Variants in TMEM132D observed in about 807,000 individuals in gnomAD.
TMEM132D encodes mature OL transmembrane protein.
A neutral mutation model predicts 62.3 loss-of-function variants in TMEM132D; 21 were observed. The observed-to-expected ratio is 0.34, with a 90% CI of 0.24 to 0.49. The LOEUF (loss-of-function observed/expected upper bound fraction) is 0.49, where lower values mean the gene tolerates loss of function less well. Among genes scored for constraint, TMEM132D ranks in the 20% least tolerant of loss-of-function variants. TMEM132D has a pLI of 0.99. For missense variants in TMEM132D, 1,346 were observed against 1,402.8 expected, an observed-to-expected ratio of 0.96 and a Z score of 0.65; for synonymous variants, 621 against 575.6, an observed-to-expected ratio of 1.08 and a Z score of -1.13.
intron 1 of TMEM132D, among the ~76,000 whole-genome samples, chr12:129,875,188 C>A (rs576876056): frequency 1.3e-5 from 2 of 152,342 alleles, no homozygotes; most frequent in East Asian, 3.9e-4. Context: ...GCTGAAAGTG[C>A]GTGCTGGCTG....
chr12:129,099,128 C>T (rs1875208343), intron 5 of TMEM132D, among the ~76,000 whole-genome samples: 1 of 152,176 alleles, frequency 6.6e-6, no homozygotes, highest in Non-Finnish European at 1.5e-5. Flanking sequence ...TGCCCCAGGC[C>T]ACTGCCCATT....
rs532326159 is a variant in TMEM132D at position 129,279,570 on chromosome 12, A to T, written c.1299+58064T>A. Among the ~76,000 whole-genome samples, 11 of 151,948 alleles carry T rather than the reference A, an allele frequency of 7.2e-5. No individual in the cohort carries two copies. The South Asian group carries it at 2.3e-3, about 32-fold the overall frequency. ...CTTGATTTTTTTTTTTGAGGGGGGTATAAAATCGAAAACCTACAAAATCTT... is the reference window on the plus strand; with the variant it reads ...CTTGATTTTTTTTTTTGAGGGGGGTTTAAAATCGAAAACCTACAAAATCTT... On this transcript the variant is annotated intron_variant, in intron 4 of 8. Coordinates refer to ENST00000422113, the MANE Select transcript of TMEM132D (RefSeq NM_133448.3).
intron 2 of TMEM132D, among the ~76,000 whole-genome samples, chr12:129,603,761 C>T (rs1878543096): frequency 6.6e-6 from 1 of 152,156 alleles, no homozygotes; most frequent in East Asian, 1.9e-4. Context: ...GCCAGTGTGG[C>T]AATTCCTCAA....
At chr12:129,824,454 A>G (rs763120315) in intron 1 of TMEM132D, among the ~76,000 whole-genome samples, 1 of 152,070 alleles carries the variant, frequency 6.6e-6, no homozygotes, top group Non-Finnish European at 1.5e-5. Flanking sequence ...CGCCCCCAGA[A>G]TTCCTATGTT....
intron 1 of TMEM132D, among the ~76,000 whole-genome samples, chr12:129,724,862 A>T (rs553458367): frequency 1.4e-4 from 22 of 152,310 alleles, no homozygotes; most frequent in African/African-American, 5.3e-4. Context: ...GCAATTTCTT[A>T]CAGCGGCAAT....
intron 3 of TMEM132D, among the ~76,000 whole-genome samples, chr12:129,499,837 C>T (rs1249169905): frequency 2.0e-5 from 3 of 152,164 alleles, no homozygotes; most frequent in South Asian, 2.1e-4. Context: ...GGGTTCTTAA[C>T]GTTCCCCCTT....
At chr12:129,817,086 T>C (rs1872367028) in intron 1 of TMEM132D, among the ~76,000 whole-genome samples, 1 of 152,196 alleles carries the variant, frequency 6.6e-6, no homozygotes, top group Non-Finnish European at 1.5e-5. Context: ...TGCAAAAGAA[T>C]GGTGAAAGCT....
chr12:129,576,107 G>C (rs1352532502), intron 2 of TMEM132D, among the ~76,000 whole-genome samples: 1 of 151,868 alleles, frequency 6.6e-6, no homozygotes, highest in African/African-American at 2.4e-5. Flanking sequence ...TTCCAGGCCA[G>C]TCCTCACATG....
At chr12:129,260,472 T>C (rs1022769826) in intron 4 of TMEM132D, among the ~76,000 whole-genome samples, 3 of 152,176 alleles carry the variant, frequency 2.0e-5, no homozygotes, top group Non-Finnish European at 2.9e-5. Context: ...CACAGGAAAA[T>C]GGCTGTAGCT....
intron 2 of TMEM132D, among the ~76,000 whole-genome samples, chr12:129,562,405 G>T (rs1877261373): frequency 6.6e-6 from 1 of 152,136 alleles, no homozygotes; most frequent in Non-Finnish European, 1.5e-5. Context: ...TTCACATCAG[G>T]TTATTAAACA....
intron 5 of TMEM132D, among the ~76,000 whole-genome samples, chr12:129,088,504 GA>G (rs1391334922): frequency 7.7e-5 from 3 of 38,776 alleles, no homozygotes; most frequent in South Asian, 8.4e-4. Context: ...CCATGACCGG[GA>G]TGTCCTCCAT....
At chr12:129,235,440 T>A (rs1879754547) in intron 4 of TMEM132D, among the ~76,000 whole-genome samples, 1 of 152,044 alleles carries the variant, frequency 6.6e-6, no homozygotes, top group Admixed American at 6.5e-5. Flanking sequence ...TTCTGGAAAT[T>A]ACATATATGT....
intron 2 of TMEM132D, among the ~76,000 whole-genome samples, chr12:129,532,506 G>A (rs770397718): frequency 6.6e-6 from 1 of 152,128 alleles, no homozygotes; most frequent in Non-Finnish European, 1.5e-5. Context: ...CACCAACAAC[G>A]CTATTTCCCA....
intron 5 of TMEM132D, among the ~76,000 whole-genome samples, chr12:129,191,374 T>C (rs1878397410): frequency 6.6e-6 from 1 of 150,480 alleles, no homozygotes; most frequent in Admixed American, 6.6e-5. Flanking sequence ...AAATAGGTTA[T>C]GTATAAGAAA....
At chr12:129,778,175 AAAG>A (rs1425089903) in intron 1 of TMEM132D, among the ~76,000 whole-genome samples, 3 of 93,132 alleles carry the variant, frequency 3.2e-5, no homozygotes, top group Admixed American at 2.7e-4. Flanking sequence ...CAATCTAAGA[AAAG>A]AAGGAATCAG....
In TMEM132D at chr12:129,581,679, G is replaced by A. The variant is rs185710426; in HGVS notation, c.969-50474C>T. The stretch of plus-strand genomic sequence containing the variant: ...TTCTTCCATCTGCTTTATCCTAGCC[G>A]AGCTGGCAGCTGATTGGATGGTGTC... On this transcript the variant is annotated intron_variant, in intron 2 of 8. Transcript: ENST00000422113. Among the ~76,000 whole-genome samples the A allele has an allele frequency of 1.2e-3, 186 of 152,280 alleles. 1 individual carries two copies. Among genetic ancestry groups the A allele is most frequent in the African/African-American group, 3.7e-3 (153 of 41,548 alleles).
At chr12:129,601,755 T>C (rs1194608014) in intron 2 of TMEM132D, among the ~76,000 whole-genome samples, 3 of 152,176 alleles carry the variant, frequency 2.0e-5, no homozygotes, top group South Asian at 2.1e-4. Context: ...TACATGGGCA[T>C]GGTTCATGGA....
intron 2 of TMEM132D, among the ~76,000 whole-genome samples, chr12:129,549,692 C>G (rs1347654497): frequency 6.6e-6 from 1 of 152,212 alleles, no homozygotes; most frequent in Non-Finnish European, 1.5e-5. Flanking sequence ...TCCCTACTCC[C>G]TTTGACTTTG....
intron 3 of TMEM132D, among the ~76,000 whole-genome samples, chr12:129,496,811 T>C (rs1377274802): frequency 1.3e-5 from 2 of 152,168 alleles, no homozygotes; most frequent in Non-Finnish European, 2.9e-5. Flanking sequence ...TGCTCACTAA[T>C]TACCCTGGGC....
Sources: allele counts gnomAD v4.1 joint callset (sites outside exome capture counted in the v4.1 genomes callset), GRCh38; gene constraint gnomAD v4.1.1; transcripts MANE v1.5; gene names NCBI Gene and HGNC (gene_info 2026-07-23, HGNC 2026-07-21).